KCNQ5: variants seen among roughly 807,000 people sequenced by gnomAD.
KCNQ5 encodes potassium voltage-gated channel subfamily KQT member 5.
A neutral mutation model predicts 98.2 loss-of-function variants in KCNQ5; 30 were observed. The observed-to-expected ratio is 0.31, with a 90% CI of 0.23 to 0.41. The LOEUF is 0.41. Ranked by LOEUF, KCNQ5 falls within the 10% of genes least tolerant of loss-of-function variation. KCNQ5 has a pLI of 1.00. For missense variants in KCNQ5, 835 were observed against 1,182.5 expected, an observed-to-expected ratio of 0.71 and a Z score of 4.31; for synonymous variants, 458 against 449.4, an observed-to-expected ratio of 1.02 and a Z score of -0.24.
At chr6:73,180,383 T>G (rs1051659889) in intron 11 of KCNQ5, among the ~76,000 whole-genome samples, 1 of 152,234 alleles carries the variant, frequency 6.6e-6, no homozygotes, top group African/African-American at 2.4e-5. Context: ...GAAAAATTAA[T>G]GGAACTTCTT....
intron 12 of KCNQ5, among the ~76,000 whole-genome samples, chr6:73,191,308 A>C (rs142726185): frequency 1.4e-3 from 213 of 151,604 alleles, no homozygotes; most frequent in African/African-American, 4.8e-3. Context: ...AAGTGTGTTC[A>C]CCTTGCTCTG....
chr6:72,637,838 C>G (rs2098925078), intron 1 of KCNQ5, among the ~76,000 whole-genome samples: 2 of 152,204 alleles, frequency 1.3e-5, no homozygotes, highest in African/African-American at 2.4e-5. Flanking sequence ...TCTTATTCAT[C>G]TAGTCCTTGA....
intron 2 of KCNQ5, among the ~76,000 whole-genome samples, chr6:73,020,474 G>A (rs1344660515): frequency 6.6e-6 from 1 of 151,964 alleles, no homozygotes; most frequent in East Asian, 1.9e-4. Context: ...CATCCTTCAG[G>A]AACCTCCAGA....
At chr6:72,828,323 T>C (rs1370265081) in intron 1 of KCNQ5, among the ~76,000 whole-genome samples, 2 of 152,184 alleles carry the variant, frequency 1.3e-5, no homozygotes, top group East Asian at 1.9e-4. Flanking sequence ...TTGGGTAGAA[T>C]TGTCATTTCA....
At chr6:73,102,088 A>C (rs1365875965) in intron 5 of KCNQ5, among the ~76,000 whole-genome samples, 1 of 152,224 alleles carries the variant, frequency 6.6e-6, no homozygotes, top group Non-Finnish European at 1.5e-5. Flanking sequence ...ACCAGAAACA[A>C]ATCCGTACAT....
chr6:73,029,002 C>G (rs993083334), intron 2 of KCNQ5, among the ~76,000 whole-genome samples: 4 of 152,156 alleles, frequency 2.6e-5, no homozygotes, highest in Non-Finnish European at 5.9e-5. Flanking sequence ...GCAATTCATC[C>G]TGCTGTGGAT....
intron 1 of KCNQ5, among the ~76,000 whole-genome samples, chr6:72,850,145 T>G (rs757205060): frequency 2.6e-5 from 4 of 152,180 alleles, no homozygotes; most frequent in Non-Finnish European, 4.4e-5. Flanking sequence ...AGAATAAGTT[T>G]GTATGAGTTC....
intron 5 of KCNQ5, among the ~76,000 whole-genome samples, chr6:73,102,491 C>G (rs1774823994): frequency 6.6e-6 from 1 of 152,100 alleles, no homozygotes; most frequent in South Asian, 2.1e-4. Flanking sequence ...AATTATCCAT[C>G]TGACAAGAGA....
At chr6:73,028,485 G>A (rs954691168) in intron 2 of KCNQ5, among the ~76,000 whole-genome samples, 1 of 152,078 alleles carries the variant, frequency 6.6e-6, no homozygotes, top group Non-Finnish European at 1.5e-5. Context: ...CAGCCACCCC[G>A]TTCACTCTGA....
At chr6:72,876,237 G>C (rs1056145302) in intron 1 of KCNQ5, among the ~76,000 whole-genome samples, 1 of 151,872 alleles carries the variant, frequency 6.6e-6, no homozygotes, top group African/African-American at 2.4e-5. Flanking sequence ...TAATATATCA[G>C]CTTTAATTAT....
At chr6:72,746,064 CAAAAAAAAAAAAAA>C (rs59726566) in intron 1 of KCNQ5, among the ~76,000 whole-genome samples, 14 of 80,208 alleles carry the variant, frequency 1.7e-4, no homozygotes, top group African/African-American at 4.2e-4. Context: ...ACTCTATTTG[CAAAAAAAAAAAAAA>C]AAAAAAAAAA....
intron 9 of KCNQ5, chr6:73,129,692 AC>A (rs1194294983): frequency 1.3e-5 from 12 of 959,174 alleles, no homozygotes; most frequent in African/African-American, 1.6e-5. Context: ...TATATTAAAA[AC>A]AATAAAGCCA....
chr6:72,901,038 A>G (rs775466456), intron 1 of KCNQ5, among the ~76,000 whole-genome samples: 1 of 151,882 alleles, frequency 6.6e-6, no homozygotes, highest in Non-Finnish European at 1.5e-5. Flanking sequence ...CAGGTTTGTT[A>G]CATATGTATA....
intron 1 of KCNQ5, among the ~76,000 whole-genome samples, chr6:72,653,759 ATATT>A (rs912973341): frequency 2.6e-5 from 4 of 152,082 alleles, no homozygotes; most frequent in East Asian, 1.9e-4. Flanking sequence ...CTATTTTTAA[ATATT>A]TATTAGAGAA....
intron 10 of KCNQ5, among the ~76,000 whole-genome samples, chr6:73,141,838 A>G (rs1291966264): frequency 1.3e-5 from 2 of 152,232 alleles, no homozygotes; most frequent in African/African-American, 2.4e-5. Context: ...TTAGTTATCT[A>G]TTGTTACATA....
intron 11 of KCNQ5, among the ~76,000 whole-genome samples, chr6:73,172,374 T>G (rs1778044928): frequency 6.6e-6 from 1 of 151,998 alleles, no homozygotes. Context: ...AAAATAAAAA[T>G]AAAAATAAAG....
At chr6:73,129,991 C>T in intron 9 of KCNQ5, 1 of 651,566 alleles carries the variant, frequency 1.5e-6, no homozygotes, top group Non-Finnish European at 2.6e-6. Context: ...GGTTTTCAAC[C>T]CGCTTGAAAT....
chr6:72,736,611 T>C (rs1770858584), intron 1 of KCNQ5, among the ~76,000 whole-genome samples: 1 of 143,206 alleles, frequency 7.0e-6, no homozygotes, highest in Non-Finnish European at 1.5e-5. Context: ...GCCATTCTCC[T>C]GCCTCAGCCT....
chr6:72,856,939 GT>G (rs904316077), intron 1 of KCNQ5, among the ~76,000 whole-genome samples: 1 of 152,152 alleles, frequency 6.6e-6, no homozygotes, highest in African/African-American at 2.4e-5. Flanking sequence ...ATGCCTGAGG[GT>G]TATGGACTCA....
Sources: gnomAD v4.1 joint callset for allele counts (sites outside exome capture counted in the v4.1 genomes callset) on GRCh38, gnomAD v4.1.1 for gene constraint, MANE v1.5 for transcripts, NCBI Gene and HGNC (gene_info 2026-07-23, HGNC 2026-07-21) for gene names.